The following MIB1 variants were observed in gnomAD, a reference collection of about 807,000 sequenced individuals.
MIB1 encodes MIB E3 ubiquitin protein ligase 1, also known as E3 ubiquitin-protein ligase MIB1.
MIB1 carries 278 observed loss-of-function variants against 124.5 expected under a neutral mutation model. The ratio of observed to expected loss-of-function variants is 2.23; its 90% CI spans 2.02 to 2.47. The LOEUF is 2.47. MIB1 is among the 30% of genes most tolerant of loss of function. The pLI, the probability that MIB1 is intolerant of heterozygous loss-of-function variation, is 0.00. For synonymous variants in MIB1, 446 were observed against 429.4 expected (o/e 1.04, Z -0.48); for missense variants, 957 against 1,254.4 (o/e 0.76, Z 3.58).
In MIB1 at chr18:21,815,656, G is replaced by A. The variant is rs1363449580; in HGVS notation, c.1520G>A (p.Gly507Glu). ...GDRAVHHAAF[G>E]DEGAVIEVLH... ...AGAGCAGTTCACCATGCAGCTTTTG[G>A]AGATGAAGGCGCTGTTATAGAAGTA... Residue 507 changes from glycine to glutamate, a missense_variant, in exon 11 of 21, where the codon GGA becomes GAA. Physicochemically the swap from Gly to Glu is moderately conservative, Grantham distance 98. Coordinates refer to ENST00000261537, the MANE Select transcript of MIB1 (RefSeq NM_020774.4). 1 of 1,613,988 alleles carries A rather than the reference G, an allele frequency of 6.2e-7. No individual in the cohort carries two copies. Among genetic ancestry groups the A allele is most frequent in the African/African-American group, 1.3e-5 (1 of 74,896 alleles).
chr18:21,773,127 G>A lies in MIB1; in HGVS notation c.532-497G>A, dbSNP rs535364742. On this transcript the variant is annotated intron_variant, in intron 3 of 20. Transcript: ENST00000261537. The stretch of plus-strand genomic sequence containing the variant: ...CTAAAACTACAAAAATTAGCCAGGC[G>A]TGGTGACAGGCACCTGTAATCTCAG... Among the ~76,000 whole-genome samples the A allele has an allele frequency of 1.1e-4, 17 of 152,088 alleles. No individual in the cohort carries two copies. In the East Asian group the frequency reaches 1.7e-3, roughly 16 times the overall value.
chr18:21,742,252 G>C (rs1427304555), intron 1 of MIB1, among the ~76,000 whole-genome samples: 2 of 150,244 alleles, frequency 1.3e-5, no homozygotes, highest in African/African-American at 4.9e-5. Flanking sequence ...AAGGGGCCTT[G>C]GTACCTCGGA....
rs2042235203 is a variant in MIB1 at position 21,857,046 on chromosome 18, TTAAGTCATAA to T, written c.2666-83_2666-74del. ...TATAACATTTATTTCAGTGTGAAATTTAAGTCATAAAAATTAGCAGAGAAAGGCAACACTC... is the reference window on the plus strand; with the variant it reads ...TATAACATTTATTTCAGTGTGAAATTAAATTAGCAGAGAAAGGCAACACTC... On this transcript the variant is annotated intron_variant, in intron 18 of 20. Coordinates refer to ENST00000261537, the MANE Select transcript of MIB1 (RefSeq NM_020774.4). The T allele has an allele frequency of 4.8e-5, 41 of 861,442 alleles. No individual in the cohort carries two copies. The South Asian group carries it at 5.7e-4, about 12-fold the overall frequency. The allele number at this position is 861,442 out of a possible 1,614,324, so 53.4% of individuals were successfully genotyped here. A position where few individuals can be genotyped will look rare whatever the true frequency, so the allele number is the denominator to read the frequency against.
At chr18:21,773,972 G>GA (rs2041252044) in intron 4 of MIB1, among the ~76,000 whole-genome samples, 2 of 152,096 alleles carry the variant, frequency 1.3e-5, no homozygotes, top group African/African-American at 4.8e-5. Flanking sequence ...GTTTATTTAC[G>GA]AAAATCTATC....
chr18:21,789,027 A>G (rs1452353418), intron 6 of MIB1, among the ~76,000 whole-genome samples: 1 of 152,210 alleles, frequency 6.6e-6, no homozygotes, highest in Non-Finnish European at 1.5e-5. Context: ...TTTAGATGGT[A>G]TATTAGTTTC....
intron 7 of MIB1, among the ~76,000 whole-genome samples, chr18:21,796,155 A>C (rs1352574721): frequency 6.7e-6 from 1 of 148,776 alleles, no homozygotes; most frequent in Non-Finnish European, 1.5e-5. Flanking sequence ...AGTTCCTTGT[A>C]GATTCTGGAT....
chr18:21,755,137 A>T (rs181227910), intron 1 of MIB1, among the ~76,000 whole-genome samples: 1 of 150,216 alleles, frequency 6.7e-6, no homozygotes, highest in Admixed American at 6.6e-5. Context: ...AGCTTGTCTT[A>T]TCATGTCTGG....
At chr18:21,765,649 G>T (rs965333653) in intron 1 of MIB1, 123 bp from the exon 2 acceptor site, 12 of 910,824 alleles carry the variant, frequency 1.3e-5, no homozygotes, top group Non-Finnish European at 2.0e-5. Flanking sequence ...AATTTGAAGT[G>T]TTATTTCCTA....
At chr18:21,806,247 C>G (rs1163864509) in intron 10 of MIB1, among the ~76,000 whole-genome samples, 1 of 151,044 alleles carries the variant, frequency 6.6e-6, no homozygotes, top group Non-Finnish European at 1.5e-5. Context: ...TCTGCCCTGA[C>G]TGGAGTGCAG....
intron 11 of MIB1, chr18:21,817,769 T>G (rs1285670764): frequency 2.6e-6 from 1 of 389,382 alleles, no homozygotes; most frequent in Non-Finnish European, 5.1e-6. Context: ...TTCATATTCC[T>G]GTAGCTTCTC....
rs541045438 is a variant in MIB1 at position 21,734,787 on chromosome 18, C to T, written n.167+29664C>T. ...CAAATGATCCATCCGCCTCGGCCTC[C>T]CACAGTGCTGGGATTACAGGCATGA... is the stretch of plus-strand genomic sequence containing the variant. On this transcript the variant is annotated intron_variant and non_coding_transcript_variant, in intron 1 of 20. Coordinates refer to the MIB1 transcript ENST00000578646. 2.0e-5 allele frequency among the ~76,000 whole-genome samples: 3 copies of T among 152,318 alleles called. No homozygotes were observed. The East Asian group carries it at 5.8e-4, about 29-fold the overall frequency.
chr18:21,840,653 ATATATATATATATTTTTTTT>A (rs1429916353), intron 13 of MIB1, among the ~76,000 whole-genome samples: 8,841 of 27,890 alleles, frequency 0.32, 458 homozygotes, highest in Middle Eastern at 0.41. Context: ...ATATATATAT[ATATATATATATATTTTTTTT>A]TTTTTTTAAT....
At chr18:21,763,561 T>A (rs1363205661) in intron 1 of MIB1, among the ~76,000 whole-genome samples, 4 of 152,200 alleles carry the variant, frequency 2.6e-5, no homozygotes, top group African/African-American at 9.6e-5. Context: ...TGTATTTTTT[T>A]ATTAGATATT....
chr18:21,837,614 C>G (rs537048476), intron 12 of MIB1, among the ~76,000 whole-genome samples: 14 of 152,296 alleles, frequency 9.2e-5, no homozygotes, highest in Non-Finnish European at 1.3e-4. Flanking sequence ...ACTTCTTGAA[C>G]TTAGTTCTGC....
chr18:21,814,082 T>C (rs972188735), intron 10 of MIB1, among the ~76,000 whole-genome samples: 4 of 152,166 alleles, frequency 2.6e-5, no homozygotes, highest in African/African-American at 9.7e-5. Context: ...TAAAGTACCT[T>C]CTTTTAGTTT....
intron 1 of MIB1, among the ~76,000 whole-genome samples, chr18:21,732,398 CAA>C (rs1001914131): frequency 5.7e-5 from 6 of 104,400 alleles, no homozygotes; most frequent in Admixed American, 3.9e-4. Context: ...ACACACAGAG[CAA>C]GAGAGAGAGA....
At chr18:21,746,918 C>T (rs923754646) in intron 1 of MIB1, among the ~76,000 whole-genome samples, 3 of 152,066 alleles carry the variant, frequency 2.0e-5, no homozygotes, top group African/African-American at 7.2e-5. Flanking sequence ...AGGGCTGACC[C>T]TGGATTAAAA....
rs879712045 is a variant in MIB1, at chr18:21,866,270, T to C, written c.*1604T>C. ...GAAAGCAATGGGGAGCTTTGCTGGC[T>C]GGTTTTGTAGTCTCAACAATTCCAT... is the stretch of plus-strand genomic sequence containing the variant. On this transcript the variant is annotated 3_prime_UTR_variant, in exon 21 of 21. Coordinates refer to ENST00000261537, the MANE Select transcript of MIB1 (RefSeq NM_020774.4). The C allele has an allele frequency of 1.3e-5, 2 of 152,248 alleles. No individual in the cohort carries two copies. Among genetic ancestry groups the C allele is most frequent in the Non-Finnish European group, 1.5e-5 (1 of 68,054 alleles). The allele number at this position is 152,248 out of a possible 1,614,324, so 9.4% of individuals were successfully genotyped here. A position where few individuals can be genotyped will look rare whatever the true frequency, so the allele number is the denominator to read the frequency against.
At position 21,791,439 on chromosome 18, in the gene MIB1, G is replaced by T. The variant is rs1434451633; in HGVS notation, c.974G>T (p.Gly325Val). 6.2e-7 allele frequency: 1 copy of T among 1,614,060 alleles called. No homozygotes were observed. The highest frequency in any genetic ancestry group is 1.1e-5 in the South Asian group (1 of 91,064). The change falls in exon 7 of 21, where the codon GGT (glycine) becomes GTT (valine). Residue 325 changes from glycine to valine, a missense_variant. Physicochemically the swap from Gly to Val is moderately radical, Grantham distance 109. Coordinates refer to ENST00000261537, the MANE Select transcript of MIB1 (RefSeq NM_020774.4). ...GTCCGAAGTGGAGATGCTGCTCAGGGTGCAGAAGGAGGCACCTCGCAGTTT... is the reference window on the plus strand; with the variant it reads ...GTCCGAAGTGGAGATGCTGCTCAGGTTGCAGAAGGAGGCACCTCGCAGTTT... ...NIVRSGDAAQ[G>V]AEGGTSQFQV...
Sources: allele counts gnomAD v4.1 joint callset (sites outside exome capture counted in the v4.1 genomes callset), GRCh38; gene constraint gnomAD v4.1.1; transcripts MANE v1.5; gene names NCBI Gene and HGNC (gene_info 2026-07-23, HGNC 2026-07-21).